Variants in YIPF7 observed in about 807,000 individuals in gnomAD.
YIPF7 encodes the protein protein YIPF7.
YIPF7 carries 35 observed loss-of-function variants against 27.2 expected under a neutral mutation model. The ratio of observed to expected loss-of-function variants is 1.29; its 90% CI spans 0.98 to 1.70. The LOEUF is 1.70. Ranked by LOEUF, YIPF7 falls within the 40% of genes most tolerant of loss-of-function variation. The probability of loss-of-function intolerance (pLI) is 0.00; values close to 1 mark genes in which losing one functional copy is unlikely to be tolerated. For synonymous variants in YIPF7, 137 were observed against 110.4 expected (o/e 1.24, Z -1.51); for missense variants, 358 against 303.7 (o/e 1.18, Z -1.33).
At chr4:44,639,241 A>T (rs1713242222) in intron 2 of YIPF7, among the ~76,000 whole-genome samples, 1 of 152,014 alleles carries the variant, frequency 6.6e-6, no homozygotes, top group South Asian at 2.1e-4. Context: ...TGCTGCTGGT[A>T]TTTTGATAGT....
intron 2 of YIPF7, among the ~76,000 whole-genome samples, chr4:44,638,162 C>G (rs1158651655): frequency 6.6e-6 from 1 of 150,598 alleles, no homozygotes; most frequent in East Asian, 2.0e-4. Context: ...TCCTTGCCCA[C>G]TTTTCAATGG....
At chr4:44,657,333 G>T (rs1454349860) in intron 2 of YIPF7, among the ~76,000 whole-genome samples, 4 of 152,132 alleles carry the variant, frequency 2.6e-5, no homozygotes, top group African/African-American at 9.7e-5. Context: ...AAAACTTTCT[G>T]CCTTGCAGTA....
intron 4 of YIPF7, among the ~76,000 whole-genome samples, chr4:44,625,635 C>T (rs941940677): frequency 1.3e-5 from 2 of 152,068 alleles, no homozygotes; most frequent in African/African-American, 4.8e-5. Flanking sequence ...GTTCGGAGTA[C>T]ACTACCAATC....
intron 2 of YIPF7, among the ~76,000 whole-genome samples, chr4:44,646,513 T>A (rs1294656187): frequency 6.6e-6 from 1 of 152,250 alleles, no homozygotes; most frequent in African/African-American, 2.4e-5. Flanking sequence ...AGTATCTATT[T>A]CTTTTTTCCA....
intron 2 of YIPF7, among the ~76,000 whole-genome samples, chr4:44,647,912 C>A (rs1713584293): frequency 6.6e-6 from 1 of 151,766 alleles, no homozygotes; most frequent in Admixed American, 6.6e-5. Flanking sequence ...GTGTGTATAA[C>A]AAAGCTTCAA....
intron 3 of YIPF7, among the ~76,000 whole-genome samples, chr4:44,632,250 T>C (rs1712929657): frequency 6.6e-6 from 1 of 152,222 alleles, no homozygotes; most frequent in South Asian, 2.1e-4. Context: ...TAAAAGAAGA[T>C]AAAACTGCTG....
intron 1 of YIPF7, 85 bp downstream of exon 1, chr4:44,651,469 A>G: frequency 1.3e-6 from 1 of 772,344 alleles, no homozygotes; most frequent in Non-Finnish European, 1.9e-6. Context: ...TTTATGTAAC[A>G]TGACTATTGG....
At chr4:44,655,544 C>A (rs1186103319), upstream of YIPF7, among the ~76,000 whole-genome samples, 1 of 151,864 alleles carries the variant, frequency 6.6e-6, no homozygotes, top group East Asian at 1.9e-4. Flanking sequence ...AATAGAGCTG[C>A]CAATAAACCA....
At chr4:44,649,248 G>A (rs1308469172) in intron 2 of YIPF7, among the ~76,000 whole-genome samples, 2 of 152,276 alleles carry the variant, frequency 1.3e-5, no homozygotes, top group South Asian at 2.1e-4. Context: ...CCCAGTGCCT[G>A]TATCCCAGCT....
chr4:44,624,128 C>T (rs546261921), intron 5 of YIPF7, among the ~76,000 whole-genome samples: 56 of 147,410 alleles, frequency 3.8e-4, no homozygotes, highest in African/African-American at 1.2e-3. Flanking sequence ...TGCAGTGGTG[C>T]GATCTCGGCT....
intron 2 of YIPF7, among the ~76,000 whole-genome samples, chr4:44,637,171 A>G (rs1713155896): frequency 6.6e-6 from 1 of 152,054 alleles, no homozygotes; most frequent in Non-Finnish European, 1.5e-5. Context: ...GGTTAATTTC[A>G]TATCTTTGCT....
chr4:44,650,593 A>C (rs1175354985), intron 1 of YIPF7, among the ~76,000 whole-genome samples: 4 of 152,128 alleles, frequency 2.6e-5, no homozygotes, highest in Admixed American at 2.6e-4. Context: ...CCCAAAGCAA[A>C]ACCAAAACCC....
rs571538425 is a variant in YIPF7, at chr4:44,622,230, A to C, written c.*184T>G. The C allele has an allele frequency of 1.4e-6, 1 of 721,606 alleles. No individual in the cohort carries two copies. Among genetic ancestry groups the C allele is most frequent in the African/African-American group, 1.8e-5 (1 of 55,570 alleles). The allele number at this position is 721,606 out of a possible 1,614,324, so 44.7% of individuals were successfully genotyped here. A position where few individuals can be genotyped will look rare whatever the true frequency, so the allele number is the denominator to read the frequency against. ...AATGTTTTAATGCACCAAACTCAAA[A>C]GCAAAACATCATTCAAACCAACAGG... On this transcript the variant is annotated 3_prime_UTR_variant, in exon 6 of 6. Transcript: ENST00000415895.
chr4:44,655,669 C>T (rs59912024), upstream of YIPF7, among the ~76,000 whole-genome samples: 11,768 of 152,068 alleles, frequency 0.077, 533 homozygotes, highest in Admixed American at 0.13. Context: ...ATTTAATGCA[C>T]ATCTGCATTA....
At chr4:44,641,488 C>T (rs564861822) in intron 2 of YIPF7, among the ~76,000 whole-genome samples, 3 of 152,202 alleles carry the variant, frequency 2.0e-5, no homozygotes, top group South Asian at 4.1e-4. Flanking sequence ...CATAGAGCTG[C>T]CCAGTAACAC....
rs924183992 is a variant in YIPF7 at position 44,622,238 on chromosome 4, A to G, written c.*176T>C. ...AATGCACCAAACTCAAAAGCAAAAC[A>G]TCATTCAAACCAACAGGCTATTAGA... On this transcript the variant is annotated 3_prime_UTR_variant, in exon 6 of 6. Transcript: ENST00000415895. 15 of 756,080 alleles carry G rather than the reference A, an allele frequency of 2.0e-5. No individual in the cohort carries two copies. The highest frequency in any genetic ancestry group is 1.2e-4 in the Admixed American group (4 of 32,084). The allele number at this position is 756,080 out of a possible 1,614,324, so 46.8% of individuals were successfully genotyped here.
intron 2 of YIPF7, among the ~76,000 whole-genome samples, chr4:44,646,796 C>A (rs1191394218): frequency 6.6e-6 from 1 of 151,902 alleles, no homozygotes; most frequent in East Asian, 1.9e-4. Flanking sequence ...TGTGGACAGG[C>A]GTGAAGGAAG....
intron 2 of YIPF7, among the ~76,000 whole-genome samples, chr4:44,644,559 G>T (rs1713457578): frequency 2.0e-5 from 3 of 152,076 alleles, no homozygotes; most frequent in Non-Finnish European, 2.9e-5. Flanking sequence ...CACCTCTATT[G>T]TAACTTGGAA....
Position 44,648,612 on chromosome 4 carries a change from C to T in YIPF7, c.116+1373G>A, listed in dbSNP as rs375672237. On this transcript the variant is annotated intron_variant, in intron 2 of 5. Transcript: ENST00000415895. Reference sequence around the variant, plus strand: ...ACCCAAGAAAAAAATTCCAAGAATGCAACTATTTAACAAAATACAGTATAC... The same window carrying T: ...ACCCAAGAAAAAAATTCCAAGAATGTAACTATTTAACAAAATACAGTATAC... Among the ~76,000 whole-genome samples, 5 of 152,102 alleles carry T rather than the reference C, an allele frequency of 3.3e-5. No individual in the cohort carries two copies. The East Asian group carries it at 7.7e-4, about 23-fold the overall frequency.
Sources: allele counts gnomAD v4.1 joint callset (sites outside exome capture counted in the v4.1 genomes callset), GRCh38; gene constraint gnomAD v4.1.1; transcripts MANE v1.5; gene names NCBI Gene and HGNC (gene_info 2026-07-23, HGNC 2026-07-21).